The following BNC2 variants were observed in gnomAD, a reference collection of about 807,000 sequenced individuals.
BNC2 encodes the protein zinc finger protein basonuclin-2.
A neutral mutation model predicts 76.3 loss-of-function variants in BNC2; 20 were observed. That is an observed-to-expected ratio of 0.26 (90% CI 0.18 to 0.38). BNC2 has a LOEUF of 0.38. BNC2 is among the 10% of genes least tolerant of loss of function. BNC2 has a pLI of 1.00. For missense variants in BNC2, 1,382 were observed against 1,399.8 expected (o/e 0.99, Z 0.20); for synonymous variants, 582 against 514.8 (o/e 1.13, Z -1.77).
At chr9:16,575,141 C>G (rs1162586058) in intron 4 of BNC2, 1 of 388,936 alleles carries the variant, frequency 2.6e-6, no homozygotes, top group Non-Finnish European at 3.5e-6. Context: ...TCACAGATGA[C>G]AGAACAGAGA....
intron 1 of BNC2, among the ~76,000 whole-genome samples, chr9:16,780,940 C>T (rs2135550146): frequency 6.6e-6 from 1 of 152,044 alleles, no homozygotes; most frequent in Admixed American, 6.5e-5. Context: ...TATTCCAATT[C>T]ACTAACCAAA....
chr9:16,672,073 A>T (rs543535147), intron 3 of BNC2, among the ~76,000 whole-genome samples: 1 of 152,356 alleles, frequency 6.6e-6, no homozygotes, highest in South Asian at 2.1e-4. Context: ...TACTCTGCTA[A>T]CAGCAAGGGG....
At chr9:16,431,514 C>T (rs755063398) in intron 6 of BNC2, 2 of 466,414 alleles carry the variant, frequency 4.3e-6, no homozygotes, top group Middle Eastern at 3.4e-4. Flanking sequence ...ATGTATACTT[C>T]ATAATGGAGG....
chr9:16,579,038 T>C (rs1418556023), intron 4 of BNC2, among the ~76,000 whole-genome samples: 3 of 152,126 alleles, frequency 2.0e-5, no homozygotes, highest in Non-Finnish European at 4.4e-5. Flanking sequence ...CTTTCTATTA[T>C]CAGAGTGAAA....
intron 3 of BNC2, among the ~76,000 whole-genome samples, chr9:16,666,084 T>A (rs1378775144): frequency 6.6e-6 from 1 of 152,226 alleles, no homozygotes; most frequent in East Asian, 1.9e-4. Flanking sequence ...CATTGACAAC[T>A]ACTTTCAATG....
intron 1 of BNC2, among the ~76,000 whole-genome samples, chr9:16,840,741 C>T (rs933455582): frequency 2.6e-5 from 4 of 152,180 alleles, no homozygotes; most frequent in African/African-American, 9.7e-5. Context: ...ATAAACCTGA[C>T]ACCAAATAAA....
At position 16,454,404 on chromosome 9, in the gene BNC2, G is replaced by A. The variant is rs575932740; in HGVS notation, c.670-16880C>T. 9.1e-4 allele frequency among the ~76,000 whole-genome samples: 139 copies of A among 152,074 alleles called. 1 individual carries two copies. Among genetic ancestry groups the A allele is most frequent in the African/African-American group, 3.2e-3 (132 of 41,422 alleles). Reference sequence around the variant, plus strand: ...TTCAGCCTGACTCCTTGGCTCAAGCGATACTCTTGGCTCAGCCTCTCAAGT... The same window carrying A: ...TTCAGCCTGACTCCTTGGCTCAAGCAATACTCTTGGCTCAGCCTCTCAAGT... On this transcript the variant is annotated intron_variant, in intron 5 of 6. Coordinates refer to ENST00000380672, the MANE Select transcript of BNC2 (RefSeq NM_017637.6).
intron 5 of BNC2, among the ~76,000 whole-genome samples, chr9:16,461,612 G>A (rs914716351): frequency 6.6e-6 from 1 of 151,606 alleles, no homozygotes; most frequent in South Asian, 2.1e-4. Flanking sequence ...GTGGCGGGGG[G>A]AGTTTGTAAG....
chr9:16,437,830 T>C (rs1821050765), intron 5 of BNC2, among the ~76,000 whole-genome samples: 1 of 152,184 alleles, frequency 6.6e-6, no homozygotes, highest in Admixed American at 6.5e-5. Flanking sequence ...ACAACAATGA[T>C]CTATATACTA....
At chr9:16,486,028 C>T (rs975091125) in intron 5 of BNC2, among the ~76,000 whole-genome samples, 2 of 152,154 alleles carry the variant, frequency 1.3e-5, no homozygotes, top group South Asian at 2.1e-4. Context: ...GATCTTAGTT[C>T]GAATCCTCTG....
At position 16,743,389 on chromosome 9, in the gene BNC2, T is replaced by C. The variant is rs112732268; in HGVS notation, c.4-4904A>G. 3.2e-3 allele frequency among the ~76,000 whole-genome samples: 483 copies of C among 152,310 alleles called. 2 individuals are homozygous for C. Among genetic ancestry groups the C allele is most frequent in the African/African-American group, 0.011 (466 of 41,556 alleles). On this transcript the variant is annotated intron_variant, in intron 1 of 6. Transcript: ENST00000380672. ...TCTGTCCAACATTATAAGGCATCTC[T>C]TTCCTGGTTCTACCCCTCTGAAAGA...
intron 3 of BNC2, among the ~76,000 whole-genome samples, chr9:16,663,742 A>C (rs560090437): frequency 1.3e-5 from 2 of 152,218 alleles, no homozygotes; most frequent in Non-Finnish European, 2.9e-5. Context: ...TAATCCACTG[A>C]ACAAAATTTT....
intron 1 of BNC2, among the ~76,000 whole-genome samples, chr9:16,778,859 AAG>A (rs1233211060): frequency 6.6e-6 from 1 of 152,234 alleles, no homozygotes; most frequent in African/African-American, 2.4e-5. Flanking sequence ...GAAAGGCAGC[AAG>A]GGTCTGATGT....
At chr9:16,482,706 G>C (rs1335740806) in intron 5 of BNC2, among the ~76,000 whole-genome samples, 1 of 152,160 alleles carries the variant, frequency 6.6e-6, no homozygotes, top group Non-Finnish European at 1.5e-5. Context: ...CACAAGAAAA[G>C]ATTCCCTTCC....
At chr9:16,774,395 G>A (rs955899940) in intron 1 of BNC2, among the ~76,000 whole-genome samples, 1 of 152,186 alleles carries the variant, frequency 6.6e-6, no homozygotes, top group African/African-American at 2.4e-5. Context: ...TCCAATGACA[G>A]TTTCGATTCC....
At chr9:16,462,693 C>T (rs1235562367) in intron 5 of BNC2, among the ~76,000 whole-genome samples, 3 of 152,172 alleles carry the variant, frequency 2.0e-5, no homozygotes, top group African/African-American at 7.2e-5. Flanking sequence ...GAGACAGAAC[C>T]TATCATCAGT....
At chr9:16,447,953 G>C (rs1016094909) in intron 5 of BNC2, among the ~76,000 whole-genome samples, 4 of 152,038 alleles carry the variant, frequency 2.6e-5, no homozygotes, top group Non-Finnish European at 5.9e-5. Flanking sequence ...GGAGATTCTA[G>C]AGGGTACTTA....
intron 6 of BNC2, among the ~76,000 whole-genome samples, chr9:16,428,528 AACAC>A (rs1196354524): frequency 1.3e-5 from 2 of 152,208 alleles, no homozygotes. Flanking sequence ...TTTATGTGTA[AACAC>A]ACATATACAT....
chr9:16,604,870 A>G (rs1169177640), intron 3 of BNC2, among the ~76,000 whole-genome samples: 2 of 152,222 alleles, frequency 1.3e-5, no homozygotes, highest in East Asian at 1.9e-4. Context: ...TTTTACTTCA[A>G]TAAAGAAACC....
Sources: gnomAD v4.1 joint callset for allele counts (sites outside exome capture counted in the v4.1 genomes callset) on GRCh38, gnomAD v4.1.1 for gene constraint, MANE v1.5 for transcripts, NCBI Gene and HGNC (gene_info 2026-07-23, HGNC 2026-07-21) for gene names.